ELMO1: variants seen among roughly 807,000 people sequenced by gnomAD.
ELMO1 encodes engulfment and cell motility 1, also known as engulfment and cell motility protein 1.
ELMO1 carries 26 observed loss-of-function variants against 98.9 expected under a neutral mutation model. The observed-to-expected ratio is 0.26, with a 90% confidence interval of 0.19 to 0.36. The LOEUF is 0.36. ELMO1 is among the 10% of genes least tolerant of loss of function. The pLI is 1.00. For missense variants in ELMO1, 627 were observed against 935.2 expected (o/e 0.67, Z 4.30); for synonymous variants, 346 against 346.0 (o/e 1.00, Z 0.00).
chr7:37,287,070 A>G (rs1172120366), intron 4 of ELMO1, among the ~76,000 whole-genome samples: 3 of 151,952 alleles, frequency 2.0e-5, no homozygotes, highest in Non-Finnish European at 4.4e-5. Flanking sequence ...GCATATGCCT[A>G]TAGTTCCAGC....
At chr7:37,221,374 A>C (rs1367545485) in intron 10 of ELMO1, among the ~76,000 whole-genome samples, 2 of 152,238 alleles carry the variant, frequency 1.3e-5, no homozygotes, top group Non-Finnish European at 2.9e-5. Context: ...TTCGCTTTCT[A>C]ATTTCTTCTA....
chr7:37,115,130 A>G (rs1050844269), intron 14 of ELMO1, among the ~76,000 whole-genome samples: 7 of 152,196 alleles, frequency 4.6e-5, no homozygotes, highest in Admixed American at 2.6e-4. Flanking sequence ...AATGGAAAGT[A>G]TCAGGCCTGG....
At chr7:37,173,122 A>C (rs1790281800) in intron 13 of ELMO1, among the ~76,000 whole-genome samples, 1 of 152,252 alleles carries the variant, frequency 6.6e-6, no homozygotes, top group African/African-American at 2.4e-5. Context: ...CTGCCTAATA[A>C]AATGTTTATA....
intron 18 of ELMO1, among the ~76,000 whole-genome samples, chr7:36,886,326 C>A (rs546231580): frequency 6.6e-6 from 1 of 152,288 alleles, no homozygotes; most frequent in East Asian, 1.9e-4. Context: ...GGAAGTTCTG[C>A]CTTTGGAAGT....
At chr7:37,056,580 G>A (rs1315171471) in intron 15 of ELMO1, among the ~76,000 whole-genome samples, 1 of 152,224 alleles carries the variant, frequency 6.6e-6, no homozygotes, top group African/African-American at 2.4e-5. Context: ...TCTTCCTCTG[G>A]TTGTTTCCAA....
At chr7:37,097,446 C>A (rs376507738) in intron 14 of ELMO1, among the ~76,000 whole-genome samples, 1 of 151,946 alleles carries the variant, frequency 6.6e-6, no homozygotes, top group South Asian at 2.1e-4. Context: ...TATCTGGGTG[C>A]GGTGGCAGGT....
At chr7:37,026,227 T>C (rs773345115) in intron 15 of ELMO1, among the ~76,000 whole-genome samples, 2 of 152,164 alleles carry the variant, frequency 1.3e-5, no homozygotes, top group African/African-American at 2.4e-5. Context: ...TACAGGCAGA[T>C]TAATGAGCAG....
At chr7:37,269,965 C>T (rs1225776941) in intron 5 of ELMO1, 1 of 152,138 alleles carries the variant, frequency 6.6e-6, no homozygotes, top group East Asian at 1.9e-4. Context: ...CATAAATCCA[C>T]AGCAGTAAAA....
At position 36,959,700 on chromosome 7, in the gene ELMO1, G is replaced by A. The variant is rs145212780; in HGVS notation, c.1437+53599C>T. ...TCTCTAATTTTTTATTTTTTGAGAC[G>A]GAGTCTCACTCACTCTGTCACCCAG... is the stretch of plus-strand genomic sequence containing the variant. On this transcript the variant is annotated intron_variant, in intron 16 of 21. Coordinates refer to ENST00000310758, the MANE Select transcript of ELMO1 (RefSeq NM_014800.11). Among the ~76,000 whole-genome samples the A allele has an allele frequency of 1.1e-3, 172 of 152,150 alleles. 1 individual carries two copies. The highest frequency in any genetic ancestry group is 3.6e-3 in the African/African-American group (151 of 41,508).
intron 15 of ELMO1, among the ~76,000 whole-genome samples, chr7:37,091,876 T>TCTTATAAAAC (rs1280842765): frequency 6.6e-6 from 1 of 152,092 alleles, no homozygotes; most frequent in Non-Finnish European, 1.5e-5. Context: ...CCATCAGATC[T>TCTTATAAAAC]CGTGAGACTT....
intron 4 of ELMO1, among the ~76,000 whole-genome samples, chr7:37,273,489 T>C (rs1050438820): frequency 6.6e-6 from 1 of 152,374 alleles, no homozygotes. Flanking sequence ...TCTCCAGCCA[T>C]GCGGAACTGT....
intron 4 of ELMO1, among the ~76,000 whole-genome samples, chr7:37,281,768 A>T (rs756264559): frequency 4.6e-5 from 7 of 152,222 alleles, no homozygotes; most frequent in Non-Finnish European, 1.0e-4. Flanking sequence ...AAGGTAATAA[A>T]TAAAGTCTGA....
chr7:37,075,924 T>G (rs1797552465), intron 15 of ELMO1, among the ~76,000 whole-genome samples: 5 of 152,148 alleles, frequency 3.3e-5, no homozygotes, highest in African/African-American at 9.7e-5. Flanking sequence ...CAGACAATGC[T>G]CTGTTGAGTA....
intron 1 of ELMO1, among the ~76,000 whole-genome samples, chr7:37,387,354 C>A (rs1802852425): frequency 6.6e-6 from 1 of 152,332 alleles, no homozygotes; most frequent in Admixed American, 6.5e-5. Context: ...CTGTTTCAGG[C>A]CTCCCTCCTA....
At chr7:37,340,858 A>G (rs1207491452) in intron 2 of ELMO1, among the ~76,000 whole-genome samples, 1 of 152,250 alleles carries the variant, frequency 6.6e-6, no homozygotes, top group Admixed American at 6.5e-5. Context: ...CTTAAAGCAG[A>G]GGTTCCCAAA....
intron 13 of ELMO1, among the ~76,000 whole-genome samples, chr7:37,159,656 GGC>G (rs944457426): frequency 5.3e-5 from 8 of 151,970 alleles, no homozygotes; most frequent in African/African-American, 1.9e-4. Context: ...CCAAGATCAT[GGC>G]ACTGCACTCC....
chr7:37,212,884 T>C (rs1451371606), intron 12 of ELMO1, among the ~76,000 whole-genome samples: 1 of 152,020 alleles, frequency 6.6e-6, no homozygotes, highest in East Asian at 1.9e-4. Flanking sequence ...CCGACAGAAA[T>C]GCTGGCCCAG....
chr7:37,444,804 G>T (rs1218265539), intron 1 of ELMO1, among the ~76,000 whole-genome samples: 1 of 152,180 alleles, frequency 6.6e-6, no homozygotes, highest in Non-Finnish European at 1.5e-5. Context: ...GTGAGCCACC[G>T]CGCCCGGCCA....
chr7:37,173,120 T>G (rs575027168), intron 13 of ELMO1, among the ~76,000 whole-genome samples: 1 of 152,368 alleles, frequency 6.6e-6, no homozygotes, highest in African/African-American at 2.4e-5. Flanking sequence ...ATCTGCCTAA[T>G]AAAATGTTTA....
Sources: allele counts gnomAD v4.1 joint callset (sites outside exome capture counted in the v4.1 genomes callset), GRCh38; gene constraint gnomAD v4.1.1; transcripts MANE v1.5; gene names NCBI Gene and HGNC (gene_info 2026-07-23, HGNC 2026-07-21).